The following DSCAM variants were observed in gnomAD, a reference collection of about 807,000 sequenced individuals.
The protein encoded by DSCAM is DS cell adhesion molecule, also known as cell adhesion molecule DSCAM.
A neutral mutation model predicts 217.7 loss-of-function variants in DSCAM; 47 were observed. The observed-to-expected ratio is 0.22, with a 90% CI of 0.17 to 0.28. The LOEUF is 0.28. DSCAM is among the 10% of genes least tolerant of loss of function. The pLI, the probability that DSCAM is intolerant of heterozygous loss-of-function variation, is 1.00. For synonymous variants in DSCAM, 1,056 were observed against 1,015.3 expected (o/e 1.04, Z -0.76); for missense variants, 2,080 against 2,618.3 (o/e 0.79, Z 4.49).
intron 3 of DSCAM, among the ~76,000 whole-genome samples, chr21:40,388,631 C>T (rs909920745): frequency 3.3e-5 from 5 of 151,028 alleles, no homozygotes; most frequent in East Asian, 4.0e-4. Flanking sequence ...GGAGTTAAGG[C>T]CATTTTAAAC....
intron 3 of DSCAM, among the ~76,000 whole-genome samples, chr21:40,538,030 A>G (rs2076513016): frequency 2.0e-5 from 3 of 152,134 alleles, no homozygotes; most frequent in Admixed American, 6.5e-5. Context: ...TAGGTGAGTG[A>G]GTGAGCAGTG....
chr21:40,271,700 C>T (rs2073619453), intron 11 of DSCAM, among the ~76,000 whole-genome samples: 1 of 152,178 alleles, frequency 6.6e-6, no homozygotes, highest in Non-Finnish European at 1.5e-5. Context: ...CTACACGCTT[C>T]CCTCATATTT....
At chr21:40,538,896 G>A (rs1027719848) in intron 3 of DSCAM, among the ~76,000 whole-genome samples, 9 of 152,166 alleles carry the variant, frequency 5.9e-5, no homozygotes, top group Non-Finnish European at 1.2e-4. Context: ...TCTGGGTTCC[G>A]TCTTTCCTTC....
At chr21:40,033,594 G>C (rs1270702490) in intron 32 of DSCAM, among the ~76,000 whole-genome samples, 1 of 151,678 alleles carries the variant, frequency 6.6e-6, no homozygotes, top group Admixed American at 6.6e-5. Flanking sequence ...AGTGAGGCTG[G>C]GGGAGGGGGG....
At chr21:40,583,415 A>G (rs2076920017) in intron 3 of DSCAM, among the ~76,000 whole-genome samples, 1 of 152,110 alleles carries the variant, frequency 6.6e-6, no homozygotes. Flanking sequence ...ACCCACAGAC[A>G]CGAATATGCT....
chr21:40,717,943 T>C (rs1229044791), intron 1 of DSCAM, among the ~76,000 whole-genome samples: 1 of 152,188 alleles, frequency 6.6e-6, no homozygotes, highest in East Asian at 1.9e-4. Context: ...AAAGCCTGGC[T>C]AGACTGCTCT....
rs368244425 is a variant in DSCAM at position 40,399,269 on chromosome 21, C to CACGAAACAAAACAAA, written c.509-30025_509-30024insTTTGTTTTGTTTCGT. ...TGGGTGACAGAGGAAGACCCTGTCT[C>CACGAAACAAAACAAA]ACAAAACAAAACAAAACAAAACAAA... On this transcript the variant is annotated intron_variant, in intron 3 of 32. Coordinates refer to ENST00000400454, the MANE Select transcript of DSCAM (RefSeq NM_001389.5). 9.6e-3 allele frequency among the ~76,000 whole-genome samples: 1,446 copies of CACGAAACAAAACAAA among 150,306 alleles called. 12 individuals are homozygous for CACGAAACAAAACAAA. Among genetic ancestry groups the CACGAAACAAAACAAA allele is most frequent in the East Asian group, 0.021 (103 of 4,982 alleles).
chr21:40,347,474 G>C (rs2074571335), intron 6 of DSCAM, among the ~76,000 whole-genome samples, 196 bp downstream of exon 6: 1 of 152,130 alleles, frequency 6.6e-6, no homozygotes. Flanking sequence ...CTTCTAATAT[G>C]AAACAATTTT....
chr21:40,768,068 T>C (rs2091411561), intron 1 of DSCAM, among the ~76,000 whole-genome samples: 1 of 152,264 alleles, frequency 6.6e-6, no homozygotes, highest in African/African-American at 2.4e-5. Context: ...TAAAGTTGAC[T>C]AATATAGGCA....
Position 40,025,330 on chromosome 21 carries a change from A to C in DSCAM, c.5687-11944T>G, listed in dbSNP as rs7510488. Among the ~76,000 whole-genome samples the C allele has an allele frequency of 9.1e-3, 1,291 of 141,606 alleles. 12 individuals carry two copies. Among genetic ancestry groups the C allele is most frequent in the African/African-American group, 0.02 (736 of 36,268 alleles). 92.9% of individuals were successfully genotyped at this position (141,606 alleles called of 152,430 possible). On this transcript the variant is annotated intron_variant, in intron 32 of 32. Transcript: ENST00000400454. ...TCATCAAGGATATTGGTCTAAAATT[A>C]TCTTTTTTGGTTGTGTCTCTGCCTG...
At position 40,044,171 on chromosome 21, in the gene DSCAM, G is replaced by A. The variant is rs1474307878; in HGVS notation, c.5290C>T (p.Leu1764Phe). The change falls in exon 31 of 33, where the codon CTC becomes TTC. Residue 1764 changes from leucine (L) to phenylalanine (F), a missense_variant. Transcript: ENST00000400454. ...GTTGGCAGCCTCCAGTCTGTGGTGA[G>A]GGTGTGTGCTGAGATGGTGGGGTGG... ...RPHPTISAHT[L>F]TTDWRLPTPR... 3.7e-6 allele frequency: 6 copies of A among 1,614,186 alleles called. No homozygotes were observed. The highest frequency in any genetic ancestry group is 1.7e-5 in the Admixed American group (1 of 60,026).
rs553218917 is a variant in DSCAM at position 40,696,243 on chromosome 21, G to A, written c.362-3287C>T. ...ACTGTGGTGCTCTGAACCCCAGCTC[G>A]CTCAGAGAGAACGGGGATCAGAAGA... On this transcript the variant is annotated intron_variant, in intron 2 of 32. Coordinates refer to ENST00000400454, the MANE Select transcript of DSCAM (RefSeq NM_001389.5). Among the ~76,000 whole-genome samples, 33 of 152,220 alleles carry A rather than the reference G, an allele frequency of 2.2e-4. 1 individual carries two copies. In the East Asian group the frequency reaches 4.3e-3, roughly 20 times the overall value.
rs1250216640 is a variant in DSCAM at position 40,511,999 on chromosome 21, A to AG, written c.509-142755_509-142754insC. Among the ~76,000 whole-genome samples the AG allele has an allele frequency of 1.4e-5, 2 of 148,022 alleles. 1 individual carries two copies. Among genetic ancestry groups the AG allele is most frequent in the Non-Finnish European group, 3.0e-5 (2 of 67,192 alleles). The stretch of plus-strand genomic sequence containing the variant: ...GAGTGAGACTCTGTCTCAAAAAAAA[A>AG]AAAAAAAAAAAGTATTCTATTTGAG... On this transcript the variant is annotated intron_variant, in intron 3 of 32. Coordinates refer to ENST00000400454, the MANE Select transcript of DSCAM (RefSeq NM_001389.5).
chr21:40,133,961 A>G lies in DSCAM; in HGVS notation c.3455T>C (p.Leu1152Pro). 6.2e-7 allele frequency: 1 copy of G among 1,613,674 alleles called. No individual in the cohort carries two copies. The highest frequency in any genetic ancestry group is 8.5e-7 in the Non-Finnish European group (1 of 1,179,786). ...GTTGGTGTACTTTTCCAGCCCGTCC[A>G]GCTCCAGTGAAGGCTGTGTGGTGGT... ...NITTTQPSLELDGLEKYTNYS... is the reference protein window; with the variant it reads ...NITTTQPSLEPDGLEKYTNYS... Residue 1152 changes from leucine (L) to proline (P), a missense_variant, in exon 19 of 33, where the codon CTG (leucine) becomes CCG (proline). Physicochemically the swap from Leu to Pro is moderately conservative, Grantham distance 98. Transcript: ENST00000400454.
chr21:40,506,516 A>G (rs1260427431), intron 3 of DSCAM, among the ~76,000 whole-genome samples: 1 of 152,200 alleles, frequency 6.6e-6, no homozygotes, highest in Non-Finnish European at 1.5e-5. Flanking sequence ...TTCAGATATA[A>G]AGTGCTTAAA....
At chr21:40,040,473 A>G (rs532714748) in intron 32 of DSCAM, among the ~76,000 whole-genome samples, 1 of 152,190 alleles carries the variant, frequency 6.6e-6, no homozygotes, top group African/African-American at 2.4e-5. Context: ...ATCACACACA[A>G]AGGGAAAATG....
chr21:40,182,360 G>T (rs1445588213), intron 14 of DSCAM, among the ~76,000 whole-genome samples: 1 of 152,030 alleles, frequency 6.6e-6, no homozygotes, highest in African/African-American at 2.4e-5. Flanking sequence ...AGAGGGGTTG[G>T]GGTGTGCACC....
intron 3 of DSCAM, among the ~76,000 whole-genome samples, chr21:40,590,886 C>T (rs773134224): frequency 6.6e-6 from 1 of 152,056 alleles, no homozygotes; most frequent in Non-Finnish European, 1.5e-5. Flanking sequence ...GTATTCTAAC[C>T]AACTGCCTTA....
intron 2 of DSCAM, among the ~76,000 whole-genome samples, chr21:40,701,645 T>G (rs1275439472): frequency 2.0e-5 from 3 of 151,624 alleles, no homozygotes; most frequent in Non-Finnish European, 1.5e-5. Flanking sequence ...GAAAAAACTT[T>G]CTAATTTCCT....
Sources: gnomAD v4.1 joint callset for allele counts (sites outside exome capture counted in the v4.1 genomes callset) on GRCh38, gnomAD v4.1.1 for gene constraint, MANE v1.5 for transcripts, NCBI Gene and HGNC (gene_info 2026-07-23, HGNC 2026-07-21) for gene names.